The following HACD3 variants were observed in gnomAD, a reference collection of about 807,000 sequenced individuals.
The protein encoded by HACD3 is very-long-chain (3R)-3-hydroxyacyl-CoA dehydratase 3.
HACD3 carries 30 observed loss-of-function variants against 55.2 expected under a neutral mutation model. That is an observed-to-expected ratio of 0.54 (90% confidence interval 0.41 to 0.74). HACD3 has a LOEUF of 0.74. Ranked by LOEUF, HACD3 falls within the 30% of genes least tolerant of loss-of-function variation. The pLI is 0.00. For missense variants in HACD3, 363 were observed against 440.1 expected, an observed-to-expected ratio of 0.82 and a Z score of 1.57; for synonymous variants, 141 against 151.7, an observed-to-expected ratio of 0.93 and a Z score of 0.52.
intron 10 of HACD3, chr15:65,574,309 T>C (rs923293831): frequency 2.0e-5 from 3 of 152,128 alleles, no homozygotes; most frequent in African/African-American, 7.2e-5. Flanking sequence ...GAAGCTTCAG[T>C]TTCTTGCCAT....
intron 10 of HACD3, among the ~76,000 whole-genome samples, chr15:65,573,561 T>C (rs1240882472): frequency 6.6e-6 from 1 of 151,910 alleles, no homozygotes; most frequent in African/African-American, 2.4e-5. Context: ...TGAACCGAGA[T>C]TGTGCCACTG....
intron 10 of HACD3, among the ~76,000 whole-genome samples, chr15:65,574,999 T>C (rs929462400): frequency 4.6e-5 from 7 of 152,196 alleles, no homozygotes; most frequent in African/African-American, 1.7e-4. Context: ...TTAGTATCTT[T>C]TTTTGTGTTG....
intron 5 of HACD3, 93 bp from the exon 6 acceptor site, chr15:65,562,681 A>C (rs551872680): frequency 3.3e-6 from 5 of 1,494,710 alleles, no homozygotes; most frequent in Non-Finnish European, 4.5e-6. Flanking sequence ...TCAGGAAGGA[A>C]AAAGGGTTGA....
intron 3 of HACD3, 142 bp from the exon 4 acceptor site, chr15:65,556,597 G>A: frequency 1.2e-6 from 1 of 859,840 alleles, no homozygotes. Flanking sequence ...TGGTCTAGAT[G>A]TTCCCTTTGC....
chr15:65,556,428 C>T (rs923762461), intron 3 of HACD3, among the ~76,000 whole-genome samples: 8 of 152,064 alleles, frequency 5.3e-5, no homozygotes, highest in Non-Finnish European at 7.4e-5. Flanking sequence ...GCTGATCTGA[C>T]AGGAGGCAGG....
chr15:65,572,914 C>CA (rs60226731), intron 10 of HACD3, among the ~76,000 whole-genome samples: 2,055 of 106,294 alleles, frequency 0.019, 16 homozygotes, highest in Middle Eastern at 0.039. Context: ...GACTTTGTCT[C>CA]AAAAAAAAAA....
chr15:65,553,296 T>C (rs960393586), intron 2 of HACD3: 2 of 152,054 alleles, frequency 1.3e-5, no homozygotes, highest in African/African-American at 4.8e-5. Flanking sequence ...TGATACTAGA[T>C]TAGCAGACCA....
At chr15:65,569,179 C>T (rs1422845016) in intron 7 of HACD3, among the ~76,000 whole-genome samples, 16 of 148,686 alleles carry the variant, frequency 1.1e-4, no homozygotes, top group Admixed American at 4.0e-4. Flanking sequence ...ACCCGGGAGG[C>T]GGAGCTTGCA....
chr15:65,543,228 A>AT (rs2072040084), intron 1 of HACD3, among the ~76,000 whole-genome samples: 2 of 152,194 alleles, frequency 1.3e-5, no homozygotes, highest in Non-Finnish European at 2.9e-5. Context: ...TTAGTAGATC[A>AT]TGTCCTTTTT....
chr15:65,551,873 A>T, intron 2 of HACD3, 155 bp downstream of exon 2: 1 of 753,300 alleles, frequency 1.3e-6, no homozygotes, highest in Middle Eastern at 2.9e-4. Flanking sequence ...TTTGAAATAT[A>T]TGATTAGAAA....
intron 5 of HACD3, among the ~76,000 whole-genome samples, chr15:65,558,973 G>T (rs1380787909): frequency 6.6e-6 from 1 of 152,210 alleles, no homozygotes; most frequent in Non-Finnish European, 1.5e-5. Flanking sequence ...TAGTGTAGCA[G>T]AATGAAAGAA....
chr15:65,572,488 C>A, intron 10 of HACD3, 122 bp downstream of exon 10: 1 of 1,223,548 alleles, frequency 8.2e-7, no homozygotes, highest in Non-Finnish European at 1.1e-6. Context: ...AGAATGATTA[C>A]TTTGCAAAAA....
intron 4 of HACD3, 114 bp from the exon 5 acceptor site, chr15:65,558,566 C>G: frequency 1.0e-6 from 1 of 956,848 alleles, no homozygotes. Context: ...TGCACTGACC[C>G]CAACTGGAGG....
At position 65,554,909 on chromosome 15, in the gene HACD3, A is replaced by T. The variant is rs767272574; in HGVS notation, c.153A>T (p.Gly51=). The T allele has an allele frequency of 1.2e-6, 2 of 1,612,554 alleles. No homozygotes were observed. The highest frequency in any genetic ancestry group is 3.3e-5 in the Admixed American group (2 of 60,022). ...HFKAQGHGAK[G]DNVYEFHLEF... is the part of the protein sequence containing the mutation. The stretch of plus-strand genomic sequence containing the variant: ...TAGCTCAAGGACATGGTGCCAAAGG[A>T]GACAATGTCTATGAATTTCACCTGG... Residue 51 remains glycine (G), a synonymous_variant, in exon 3 of 11, where the codon GGA becomes GGT. Transcript: ENST00000261875.
At chr15:65,563,968 CAA>C (rs964101761) in intron 6 of HACD3, among the ~76,000 whole-genome samples, 1 of 136,680 alleles carries the variant, frequency 7.3e-6, no homozygotes. Context: ...GACTCCATCT[CAA>C]AAAAAAAAAA....
intron 8 of HACD3, among the ~76,000 whole-genome samples, chr15:65,570,808 C>T (rs77072715): frequency 0.063 from 9,532 of 152,192 alleles, 314 homozygotes; most frequent in African/African-American, 0.091. Flanking sequence ...AACTTCTCAG[C>T]TCCAGGTTTG....
intron 1 of HACD3, among the ~76,000 whole-genome samples, chr15:65,533,194 T>G (rs1448328887): frequency 6.6e-6 from 1 of 152,202 alleles, no homozygotes. Context: ...TATTACTCAT[T>G]GCATTGAGAG....
Position 65,530,489 on chromosome 15 carries a change from C to T in HACD3, c.-143C>T, listed in dbSNP as rs2071884177. On this transcript the variant is annotated 5_prime_UTR_variant, in exon 1 of 11. Coordinates refer to ENST00000261875, the MANE Select transcript of HACD3 (RefSeq NM_016395.4). ...TCACTGCGCAGGCGCGGCCCGCGAG[C>T]GTGGGGTATCTCGAGGTGCCGGGTT... The T allele has an allele frequency of 1.5e-6, 1 of 662,068 alleles. No homozygotes were observed. The highest frequency in any genetic ancestry group is 2.4e-6 in the Non-Finnish European group (1 of 423,384). 41.0% of individuals were successfully genotyped at this position (662,068 alleles called of 1,614,324 possible).
chr15:65,542,584 AT>A (rs2072031759), intron 1 of HACD3, among the ~76,000 whole-genome samples: 1 of 152,150 alleles, frequency 6.6e-6, no homozygotes, highest in South Asian at 2.1e-4. Context: ...ATATCTAAAT[AT>A]ATTTGCAAAT....
Sources: gnomAD v4.1 joint callset for allele counts (sites outside exome capture counted in the v4.1 genomes callset) on GRCh38, gnomAD v4.1.1 for gene constraint, MANE v1.5 for transcripts, NCBI Gene and HGNC (gene_info 2026-07-23, HGNC 2026-07-21) for gene names.